Variants in CALN1 observed in about 807,000 individuals in gnomAD.
CALN1 encodes calneuron 1.
Under a neutral mutation model 30.6 loss-of-function variants are expected in CALN1, and 17 were observed. That is an observed-to-expected ratio of 0.56 (90% CI 0.38 to 0.83). The LOEUF is 0.83. CALN1 is among the 40% of genes least tolerant of loss of function. The pLI is 0.00. For missense variants in CALN1, 291 were observed against 354.9 expected, an observed-to-expected ratio of 0.82 and a Z score of 1.45; for synonymous variants, 156 against 131.4, an observed-to-expected ratio of 1.19 and a Z score of -1.28.
At chr7:72,436,066 C>G (rs143748230) in intron 1 of CALN1, among the ~76,000 whole-genome samples, 1 of 152,178 alleles carries the variant, frequency 6.6e-6, no homozygotes, top group Non-Finnish European at 1.5e-5. Flanking sequence ...GATTCCCTCT[C>G]CATAGAAGGC....
intron 1 of CALN1, among the ~76,000 whole-genome samples, chr7:72,406,565 A>C (rs994788712): frequency 6.6e-6 from 1 of 151,686 alleles, no homozygotes; most frequent in Non-Finnish European, 1.5e-5. Context: ...CCCAGTCTTG[A>C]AGTTAGATCT....
At chr7:71,960,176 AAT>A (rs1797173684) in intron 5 of CALN1, among the ~76,000 whole-genome samples, 13 of 130,482 alleles carry the variant, frequency 1.0e-4, no homozygotes, top group African/African-American at 2.6e-4. Context: ...TAAATAAATA[AAT>A]AAATAAAATA....
At chr7:71,973,155 A>G (rs1306882172) in intron 5 of CALN1, among the ~76,000 whole-genome samples, 1 of 151,896 alleles carries the variant, frequency 6.6e-6, no homozygotes. Flanking sequence ...TTCCCTGAAA[A>G]TTGAATTCTG....
At chr7:72,479,979 T>C in the CALN1 span, among the ~76,000 whole-genome samples, 2 of 152,268 alleles carry the variant, frequency 1.3e-5, no homozygotes, top group African/African-American at 2.4e-5. Context: ...TTGACACTTT[T>C]GTCTACTTTT....
intron 3 of CALN1, among the ~76,000 whole-genome samples, chr7:72,144,792 TC>T (rs1810224683): frequency 6.6e-6 from 1 of 152,050 alleles, no homozygotes; most frequent in Non-Finnish European, 1.5e-5. Context: ...CACAGTGCAA[TC>T]AAATTAGAAC....
rs758410533 is a variant in CALN1, at chr7:71,989,140, T to C, written c.501+34517A>G. 1.9e-4 allele frequency among the ~76,000 whole-genome samples: 29 copies of C among 152,124 alleles called. 1 individual carries two copies. The highest frequency in any genetic ancestry group is 2.9e-4 in the Non-Finnish European group (20 of 68,022). The stretch of plus-strand genomic sequence containing the variant: ...AAAAGATAGTGCCAACTGTGAACTA[T>C]AGATAAGAGATGACTGGCTGGGCAC... On this transcript the variant is annotated intron_variant, in intron 5 of 6. Coordinates refer to ENST00000395275, the MANE Select transcript of CALN1 (RefSeq NM_031468.4).
chr7:72,185,687 G>T (rs1790137507), intron 3 of CALN1, among the ~76,000 whole-genome samples: 1 of 152,148 alleles, frequency 6.6e-6, no homozygotes, highest in Non-Finnish European at 1.5e-5. Context: ...GGGACACAGT[G>T]GGAGATAATT....
chr7:72,278,979 A>C (rs1349843903), intron 2 of CALN1, among the ~76,000 whole-genome samples, 169 bp from the exon 3 acceptor site: 2 of 152,174 alleles, frequency 1.3e-5, no homozygotes, highest in African/African-American at 4.8e-5. Flanking sequence ...TGACCTGAGC[A>C]ATTTCCAAAG....
chr7:72,141,601 T>C (rs1004780918), intron 3 of CALN1, among the ~76,000 whole-genome samples: 1 of 152,024 alleles, frequency 6.6e-6, no homozygotes, highest in Admixed American at 6.6e-5. Flanking sequence ...GGAGTTTCCA[T>C]CTTGTCAATC....
At chr7:71,991,095 C>T (rs1462970605) in intron 5 of CALN1, among the ~76,000 whole-genome samples, 2 of 151,754 alleles carry the variant, frequency 1.3e-5, no homozygotes, top group South Asian at 2.1e-4. Context: ...AGTAAGAATT[C>T]GATGTGTTGC....
intron 3 of CALN1, among the ~76,000 whole-genome samples, chr7:72,221,688 G>A (rs1793314945): frequency 1.3e-5 from 2 of 152,028 alleles, no homozygotes; most frequent in East Asian, 1.9e-4. Context: ...TCAGGAGTTC[G>A]AGACCAGCCT....
At chr7:72,409,678 G>A (rs930204023) in intron 1 of CALN1, among the ~76,000 whole-genome samples, 7 of 151,996 alleles carry the variant, frequency 4.6e-5, no homozygotes, top group East Asian at 2.0e-4. Flanking sequence ...GAATGGAGAG[G>A]GATGAACCTG....
chr7:71,799,446 T>G (rs201981988), intron 6 of CALN1, among the ~76,000 whole-genome samples: 2,091 of 136,388 alleles, frequency 0.015, 20 homozygotes, highest in African/African-American at 0.026. Context: ...TATTTATTTA[T>G]TTATTTAGTT....
intron 4 of CALN1, among the ~76,000 whole-genome samples, chr7:72,089,188 A>G (rs1805685794): frequency 6.6e-6 from 1 of 152,178 alleles, no homozygotes; most frequent in South Asian, 2.1e-4. Context: ...AGAGAAAGAG[A>G]TAACATTTAA....
chr7:71,904,708 A>C (rs1447801017), intron 5 of CALN1, among the ~76,000 whole-genome samples: 1 of 152,262 alleles, frequency 6.6e-6, no homozygotes, highest in African/African-American at 2.4e-5. Flanking sequence ...CTCCACAAAA[A>C]TGATAACTAT....
chr7:72,326,415 G>A (rs1801281969), intron 2 of CALN1, among the ~76,000 whole-genome samples: 1 of 152,216 alleles, frequency 6.6e-6, no homozygotes, highest in African/African-American at 2.4e-5. Flanking sequence ...GAGAAATAAA[G>A]CAGATGACAC....
At chr7:72,246,207 C>T (rs1411086588) in intron 3 of CALN1, among the ~76,000 whole-genome samples, 1 of 152,200 alleles carries the variant, frequency 6.6e-6, no homozygotes, top group African/African-American at 2.4e-5. Context: ...AAACCCTTAC[C>T]TCAGAAACAC....
chr7:72,148,333 C>G (rs71551249), intron 3 of CALN1, among the ~76,000 whole-genome samples: 2 of 147,252 alleles, frequency 1.4e-5, no homozygotes, highest in Non-Finnish European at 1.5e-5. Context: ...TTTGGGAGGC[C>G]GAGGTGGGAG....
At chr7:72,455,915 G>T in the CALN1 span, among the ~76,000 whole-genome samples, 1 of 152,186 alleles carries the variant, frequency 6.6e-6, no homozygotes, top group Non-Finnish European at 1.5e-5. Flanking sequence ...TCTTAACATG[G>T]TGAGTTCACG....
Sources: allele counts gnomAD v4.1 joint callset (sites outside exome capture counted in the v4.1 genomes callset), GRCh38; gene constraint gnomAD v4.1.1; transcripts MANE v1.5; gene names NCBI Gene and HGNC (gene_info 2026-07-23, HGNC 2026-07-21).